Variants in PCLO observed in about 807,000 individuals in gnomAD.
PCLO encodes protein piccolo.
Under a neutral mutation model 427.5 loss-of-function variants are expected in PCLO, and 82 were observed. The observed-to-expected ratio is 0.19, with a 90% CI of 0.16 to 0.23. PCLO has a LOEUF of 0.23. Ranked by LOEUF, PCLO falls within the 10% of genes least tolerant of loss-of-function variation. The pLI is 1.00. For missense variants in PCLO, 6,239 were observed against 6,115.9 expected, an observed-to-expected ratio of 1.02 and a Z score of -0.67; for synonymous variants, 2,357 against 2,155.4, an observed-to-expected ratio of 1.09 and a Z score of -2.59.
rs868514914 is a variant in PCLO at position 82,794,471 on chromosome 7, T to G, written c.15007+7047A>C. The stretch of plus-strand genomic sequence containing the variant: ...ATAAATTTTTTTTCTTTTTTTTTTT[T>G]TTTTTTTTTTTTTTTTTTGAGACAC... On this transcript the variant is annotated intron_variant, in intron 22 of 24. Coordinates refer to ENST00000333891, the MANE Select transcript of PCLO (RefSeq NM_033026.6). Among the ~76,000 whole-genome samples, 6 of 96,382 alleles carry G rather than the reference T, an allele frequency of 6.2e-5. 1 individual carries two copies. The highest frequency in any genetic ancestry group is 1.7e-4 in the African/African-American group (4 of 23,102). The allele number at this position is 96,382 out of a possible 152,430, so 63.2% of individuals were successfully genotyped here.
At chr7:82,770,916 T>C (rs1170364938) in intron 22 of PCLO, among the ~76,000 whole-genome samples, 5 of 152,106 alleles carry the variant, frequency 3.3e-5, no homozygotes, top group Middle Eastern at 3.4e-3. Flanking sequence ...GCCGCTGATA[T>C]GTTTTAAATT....
At chr7:83,080,813 A>G (rs908002214) in intron 3 of PCLO, among the ~76,000 whole-genome samples, 1 of 152,054 alleles carries the variant, frequency 6.6e-6, no homozygotes, top group Admixed American at 6.6e-5. Flanking sequence ...GATGCCTGAA[A>G]CCATGGATAG....
intron 3 of PCLO, among the ~76,000 whole-genome samples, chr7:83,035,067 C>T (rs1788760540): frequency 6.6e-6 from 1 of 152,110 alleles, no homozygotes; most frequent in African/African-American, 2.4e-5. Flanking sequence ...CATTTGAGTG[C>T]TCTGGCAGCA....
intron 22 of PCLO, among the ~76,000 whole-genome samples, chr7:82,765,089 C>T (rs1041805784): frequency 3.3e-5 from 5 of 151,702 alleles, no homozygotes; most frequent in East Asian, 1.9e-4. Flanking sequence ...ATAATACACT[C>T]AATGGCTTTC....
chr7:83,162,196 T>C, intron 1 of PCLO, 149 bp downstream of exon 1: 2 of 855,160 alleles, frequency 2.3e-6, no homozygotes, highest in Non-Finnish European at 3.5e-6. Flanking sequence ...TCACAAGGCT[T>C]AGGATCTCTC....
chr7:83,094,939 G>A (rs1177266991), intron 3 of PCLO, among the ~76,000 whole-genome samples: 3 of 152,050 alleles, frequency 2.0e-5, no homozygotes, highest in South Asian at 4.1e-4. Flanking sequence ...TATTTGTACC[G>A]TCTTTGTTTT....
Position 82,980,769 on chromosome 7 carries a change from CA to C in PCLO, c.3301-14283del, listed in dbSNP as rs1796129111. Among the ~76,000 whole-genome samples the C allele has an allele frequency of 2.6e-5, 4 of 151,564 alleles. No homozygotes were observed. In the South Asian group the frequency reaches 8.3e-4, roughly 32 times the overall value. ...AACTGAATGAGGGAACTGACATTGC[CA>C]AGAAAAAAAATGTCCTGATTTATAG... On this transcript the variant is annotated intron_variant, in intron 3 of 24. Coordinates refer to ENST00000333891, the MANE Select transcript of PCLO (RefSeq NM_033026.6).
At chr7:82,839,957 AG>A (rs1374597792) in intron 14 of PCLO, among the ~76,000 whole-genome samples, 2 of 152,194 alleles carry the variant, frequency 1.3e-5, no homozygotes, top group African/African-American at 4.8e-5. Context: ...CCCCAAATTA[AG>A]AAGGAATAAT....
In PCLO at chr7:82,915,223, A is replaced by G. The variant is rs1348898555; in HGVS notation, c.12763T>C (p.Phe4255Leu). 6.2e-7 allele frequency: 1 copy of G among 1,613,130 alleles called. No individual in the cohort carries two copies. Among genetic ancestry groups the G allele is most frequent in the East Asian group, 2.2e-5 (1 of 44,664 alleles). Residue 4255 changes from phenylalanine (F) to leucine (L), a missense_variant, in exon 7 of 25, where the codon TTT becomes CTT. Around this residue, in one of 5 missense-constraint regions of PCLO, gnomAD observed 680 missense variants for 677.3 expected, o/e 1.00. Coordinates refer to ENST00000333891, the MANE Select transcript of PCLO (RefSeq NM_033026.6). Reference sequence around the variant, plus strand: ...CCTGTGCCAAGAGAAGATCCCATAAATTTTTGTTGGTCTGTAATATTTTTT... The same window carrying G: ...CCTGTGCCAAGAGAAGATCCCATAAGTTTTTGTTGGTCTGTAATATTTTTT... ...LRKNITDQQK[F>L]MGSSLGTGLG...
Position 82,916,280 on chromosome 7 carries a change from T to C in PCLO, c.11706A>G (p.Ser3902=). The stretch of plus-strand genomic sequence containing the variant: ...GCTCAAAATGAGACTGTTGAGTGTA[T>C]GAGGTGGGTGCTTGGGTAGGAAGAG... ...SPALPTQAPT[S]YTQQSHFEQQ... The change falls in exon 7 of 25, where the codon TCA becomes TCG. Residue 3902 remains serine, a synonymous_variant. Coordinates refer to ENST00000333891, the MANE Select transcript of PCLO (RefSeq NM_033026.6). 6.2e-7 allele frequency: 1 copy of C among 1,613,626 alleles called. No individual in the cohort carries two copies.
intron 2 of PCLO, among the ~76,000 whole-genome samples, chr7:83,136,918 T>C (rs1791745576): frequency 6.6e-6 from 1 of 152,186 alleles, no homozygotes; most frequent in Non-Finnish European, 1.5e-5. Flanking sequence ...TTTTTATTAT[T>C]CTAAAATAAT....
chr7:82,828,636 C>A (rs775920973), intron 16 of PCLO, among the ~76,000 whole-genome samples: 1 of 152,114 alleles, frequency 6.6e-6, no homozygotes, highest in Admixed American at 6.5e-5. Context: ...TTCCTCTGAG[C>A]ACCAATTAGA....
chr7:82,837,558 C>T (rs1792260931), intron 15 of PCLO, among the ~76,000 whole-genome samples: 1 of 151,936 alleles, frequency 6.6e-6, no homozygotes, highest in Non-Finnish European at 1.5e-5. Flanking sequence ...TGAGTACTGA[C>T]TTATATACCA....
intron 3 of PCLO, among the ~76,000 whole-genome samples, chr7:83,078,666 G>A (rs1377863763): frequency 6.6e-6 from 1 of 151,860 alleles, no homozygotes; most frequent in Non-Finnish European, 1.5e-5. Context: ...CGAGTAGCTG[G>A]GACTACAGGT....
intron 22 of PCLO, among the ~76,000 whole-genome samples, chr7:82,763,940 A>G (rs1049094281): frequency 8.6e-5 from 13 of 152,014 alleles, no homozygotes; most frequent in Non-Finnish European, 1.6e-4. Flanking sequence ...ATACTTCACA[A>G]AGTTTGACTC....
At chr7:82,877,435 ACT>A (rs1357112309) in intron 10 of PCLO, among the ~76,000 whole-genome samples, 1 of 152,072 alleles carries the variant, frequency 6.6e-6, no homozygotes, top group Non-Finnish European at 1.5e-5. Flanking sequence ...TGATCCTATC[ACT>A]CTCATCCTTA....
In PCLO at chr7:82,758,622, T is replaced by C. The variant is rs1790366280; in HGVS notation, c.15382A>G (p.Ile5128Val). The C allele has an allele frequency of 3.1e-6, 5 of 1,612,066 alleles. No individual in the cohort carries two copies. Among genetic ancestry groups the C allele is most frequent in the Non-Finnish European group, 3.4e-6 (4 of 1,178,544 alleles). Reference sequence around the variant, plus strand: ...ACCAAAAGTTTGTGCCAGTTGACTATTCTTTTTCTGAGATCCACTTTGTCA... The same window carrying C: ...ACCAAAAGTTTGTGCCAGTTGACTACTCTTTTTCTGAGATCCACTTTGTCA... Reference protein sequence around the residue: ...WLDKVDLRKRIVNWHKLLVSP... With the variant: ...WLDKVDLRKRVVNWHKLLVSP... The change falls in exon 25 of 25, where the codon ATA becomes GTA. Residue 5128 changes from isoleucine (I) to valine (V), a missense_variant. By Grantham distance (29) the Ile-to-Val change is conservative (BLOSUM62 3). Around this residue, in one of 5 missense-constraint regions of PCLO, gnomAD observed 877 missense variants for 925.5 expected, o/e 0.95. Coordinates refer to ENST00000333891, the MANE Select transcript of PCLO (RefSeq NM_033026.6).
At chr7:82,874,929 A>C (rs576209960) in intron 10 of PCLO, among the ~76,000 whole-genome samples, 1 of 152,272 alleles carries the variant, frequency 6.6e-6, no homozygotes, top group Non-Finnish European at 1.5e-5. Flanking sequence ...TTGGTCAAAA[A>C]ATTGTTAAAA....
chr7:83,064,003 C>G (rs957131190), intron 3 of PCLO, among the ~76,000 whole-genome samples: 3 of 151,938 alleles, frequency 2.0e-5, no homozygotes, highest in Non-Finnish European at 2.9e-5. Context: ...GGCTCTAATT[C>G]AATGAAAACC....
Sources: allele counts gnomAD v4.1 joint callset (sites outside exome capture counted in the v4.1 genomes callset), GRCh38; gene constraint gnomAD v4.1.1; regional missense constraint gnomAD v4.1.1; transcripts MANE v1.5; gene names NCBI Gene and HGNC (gene_info 2026-07-23, HGNC 2026-07-21).